Variants in GORASP1 observed in about 807,000 individuals in gnomAD.
The protein encoded by GORASP1 is golgi reassembly stacking protein 1, also known as Golgi reassembly-stacking protein 1.
Under a neutral mutation model 37.7 loss-of-function variants are expected in GORASP1, and 31 were observed. The ratio of observed to expected loss-of-function variants is 0.82; its 90% CI spans 0.62 to 1.11. The LOEUF is 1.11. GORASP1 is among the 50% of genes least tolerant of loss of function. The probability of loss-of-function intolerance (pLI) is 0.00; values close to 1 mark genes in which losing one functional copy is unlikely to be tolerated. For synonymous variants in GORASP1, 204 were observed against 224.8 expected (o/e 0.91, Z 0.83); for missense variants, 476 against 560.7 (o/e 0.85, Z 1.53).
In GORASP1 at chr3:39,098,100, C is replaced by A. The variant is rs2035447241; in HGVS notation, c.*136G>T. 2.9e-6 allele frequency: 3 copies of A among 1,032,124 alleles called. No homozygotes were observed. Among genetic ancestry groups the A allele is most frequent in the African/African-American group, 3.2e-5 (2 of 62,566 alleles). The allele number at this position is 1,032,124 out of a possible 1,614,324, so 63.9% of individuals were successfully genotyped here. A position where few individuals can be genotyped will look rare whatever the true frequency, so the allele number is the denominator to read the frequency against. The stretch of plus-strand genomic sequence containing the variant: ...GATATCCTCCCACAAGGCCCATGGC[C>A]CCCTCTCACCACCCACTGAGGCCTC... On this transcript the variant is annotated 3_prime_UTR_variant, in exon 9 of 9. Transcript: ENST00000319283. The surrounding 1 kb of genome is among the most constrained non-coding windows in gnomAD (Gnocchi z 4.7).
In GORASP1 at chr3:39,098,376, C is replaced by G. The variant is rs2035466819; in HGVS notation, c.1183G>C (p.Ala395Pro). 1 of 1,614,038 alleles carries G rather than the reference C, an allele frequency of 6.2e-7. No homozygotes were observed. Among genetic ancestry groups the G allele is most frequent in the Admixed American group, 1.7e-5 (1 of 60,002 alleles). The change falls in exon 9 of 9, where the codon GCA becomes CCA. Residue 395 changes from alanine (A) to proline (P), a missense_variant. Physicochemically the swap from Ala to Pro is conservative, Grantham distance 27. Transcript: ENST00000319283. The surrounding 1 kb of genome is among the most constrained non-coding windows in gnomAD (Gnocchi z 4.7). ...GACAGCCCATCTTCTGGTGAGGCTG[C>G]AGAGGTGAGACTGTCAGGAAGAGTC... is the stretch of plus-strand genomic sequence containing the variant. ...QLTLPDSLTS[A>P]ASPEDGLSAE...
Position 39,107,546 on chromosome 3 carries a change from G to A in GORASP1, c.-5C>T. The A allele has an allele frequency of 1.3e-6, 2 of 1,494,972 alleles. No individual in the cohort carries two copies. The highest frequency in any genetic ancestry group is 1.8e-6 in the Non-Finnish European group (2 of 1,132,570). 92.6% of individuals were successfully genotyped at this position (1,494,972 alleles called of 1,614,324 possible). Reference sequence around the variant, plus strand: ...AGCGCTGACGCCCAGGCCCATGGCAGCGGCTCCGCTCGGCACCCAGGTCCA... The same window carrying A: ...AGCGCTGACGCCCAGGCCCATGGCAACGGCTCCGCTCGGCACCCAGGTCCA... On this transcript the variant is annotated 5_prime_UTR_variant, in exon 1 of 9. Coordinates refer to ENST00000319283, the MANE Select transcript of GORASP1 (RefSeq NM_031899.4).
At position 39,104,468 on chromosome 3, in the gene GORASP1, C is replaced by T. The variant is rs568106408; in HGVS notation, c.64-915G>A. Among the ~76,000 whole-genome samples, 8 of 152,298 alleles carry T rather than the reference C, an allele frequency of 5.3e-5. No homozygotes were observed. In the East Asian group the frequency reaches 1.3e-3, roughly 26 times the overall value. Reference sequence around the variant, plus strand: ...CAAGGCCCTAGACCCGAAGATGGGCCCACACCCTCAGGTCTTTGGCTGCGG... The same window carrying T: ...CAAGGCCCTAGACCCGAAGATGGGCTCACACCCTCAGGTCTTTGGCTGCGG... On this transcript the variant is annotated intron_variant, in intron 1 of 8. Transcript: ENST00000319283.
intron 1 of GORASP1, chr3:39,107,050 C>T (rs758005461): frequency 4.3e-6 from 2 of 461,066 alleles, no homozygotes; most frequent in African/African-American, 2.0e-5. Context: ...CGGTTAACCC[C>T]GGCCCCCGGG....
chr3:39,106,907 CA>C (rs138817731), intron 1 of GORASP1: 11 of 325,658 alleles, frequency 3.4e-5, no homozygotes, highest in African/African-American at 2.4e-4. Flanking sequence ...GAGGATTCTG[CA>C]GCACTCTCCC....
intron 3 of GORASP1, 90 bp from the exon 4 acceptor site, chr3:39,101,192 T>C: frequency 4.5e-6 from 5 of 1,105,604 alleles, no homozygotes; most frequent in Non-Finnish European, 6.8e-6. Context: ...CTTGAGGTAG[T>C]GAGTGGGACA....
Position 39,107,612 on chromosome 3 carries a change from A to T in GORASP1, c.-71T>A. 1 of 1,389,594 alleles carries T rather than the reference A, an allele frequency of 7.2e-7. No individual in the cohort carries two copies. 86.1% of individuals were successfully genotyped at this position (1,389,594 alleles called of 1,614,324 possible). A position where few individuals can be genotyped will look rare whatever the true frequency, so the allele number is the denominator to read the frequency against. On this transcript the variant is annotated 5_prime_UTR_variant, in exon 1 of 9. Transcript: ENST00000319283. ...CCCGGACCGACCCGACGCCAGTAGC[A>T]CCGACTCGCTCTCTCGGCGCTCGAT...
At chr3:39,101,904 T>C (rs1234028597) in intron 3 of GORASP1, among the ~76,000 whole-genome samples, 1 of 152,242 alleles carries the variant, frequency 6.6e-6, no homozygotes, top group Admixed American at 6.5e-5. Flanking sequence ...TGGGTGTGCA[T>C]GTGTGTCTGT....
rs1386484972 is a variant in GORASP1, at chr3:39,098,151, C to G, written c.*85G>C. The stretch of plus-strand genomic sequence containing the variant: ...ATGTCCCACCAAAGCAGCAAGGAAT[C>G]CTGACCGCATAGTGCAGCCCGGGCT... On this transcript the variant is annotated 3_prime_UTR_variant, in exon 9 of 9. Transcript: ENST00000319283. The surrounding 1 kb of genome is among the most constrained non-coding windows in gnomAD (Gnocchi z 4.7). 3.3e-6 allele frequency: 5 copies of G among 1,495,770 alleles called. No individual in the cohort carries two copies. Among genetic ancestry groups the G allele is most frequent in the Non-Finnish European group, 4.5e-6 (5 of 1,107,536 alleles). The allele number at this position is 1,495,770 out of a possible 1,614,324, so 92.7% of individuals were successfully genotyped here.
In GORASP1 at chr3:39,100,409, C is replaced by G; in HGVS notation, c.661G>C (p.Ala221Pro). ...GGTGGTGGGGCACCAAGTGGTAGAG[C>G]AGAAGGTGGTGGGGTGCCAGGTGGC... The part of the protein sequence containing the change: ...KKPPGTPPPS[A>P]LPLGAPPPDA... Residue 221 changes from alanine to proline, a missense_variant, in exon 6 of 9, where the codon GCT (alanine) becomes CCT (proline). Ala to Pro is a conservative substitution (Grantham distance 27). Transcript: ENST00000319283. The surrounding 1 kb of genome is among the most constrained non-coding windows in gnomAD (Gnocchi z 4.6). 2.5e-6 allele frequency: 4 copies of G among 1,613,702 alleles called. No individual in the cohort carries two copies. The highest frequency in any genetic ancestry group is 3.4e-6 in the Non-Finnish European group (4 of 1,179,790).
intron 3 of GORASP1, chr3:39,101,621 TC>T (rs764131193): frequency 1.4e-4 from 62 of 452,648 alleles, no homozygotes; most frequent in Non-Finnish European, 2.3e-4. Context: ...AAATAAGGAT[TC>T]CCTTCTCCCT....
In GORASP1 at chr3:39,098,452, G is replaced by A. The variant is rs2035472536; in HGVS notation, c.1107C>T (p.Ser369=). The change falls in exon 9 of 9, where the codon TCC becomes TCT. Residue 369 remains serine (S), a synonymous_variant. Transcript: ENST00000319283. The surrounding 1 kb of genome is among the most constrained non-coding windows in gnomAD (Gnocchi z 4.7). The part of the protein sequence containing the change: ...ATWSGSEFEV[S]FLDSPGAQAQ... Reference sequence around the variant, plus strand: ...CTTGGGCACCTGGGCTGTCCAGGAAGGAGACCTCAAACTCTGACCCAGACC... The same window carrying A: ...CTTGGGCACCTGGGCTGTCCAGGAAAGAGACCTCAAACTCTGACCCAGACC... The A allele has an allele frequency of 2.5e-6, 4 of 1,614,144 alleles. No homozygotes were observed. In the East Asian group the frequency reaches 8.9e-5, roughly 36 times the overall value.
Position 39,100,434 on chromosome 3 carries a change from C to T in GORASP1, c.636G>A (p.Lys212=). 1 of 1,611,542 alleles carries T rather than the reference C, an allele frequency of 6.2e-7. No individual in the cohort carries two copies. The highest frequency in any genetic ancestry group is 8.5e-7 in the Non-Finnish European group (1 of 1,178,568). The change falls in exon 6 of 9, where the codon AAG becomes AAA. Residue 212 remains lysine (K), a synonymous_variant. Coordinates refer to ENST00000319283, the MANE Select transcript of GORASP1 (RefSeq NM_031899.4). The surrounding 1 kb of genome is among the most constrained non-coding windows in gnomAD (Gnocchi z 4.6). ...CAGAAGGTGGTGGGGTGCCAGGTGG[C>T]TTCTTGTGGTAGCTGGGGGGCTGAG... ...IPTQPPSYHK[K]PPGTPPPSAL...
chr3:39,099,224 T>G (rs757344805), intron 7 of GORASP1, 129 bp downstream of exon 7: 39 of 1,076,172 alleles, frequency 3.6e-5, no homozygotes, highest in Non-Finnish European at 5.3e-5. Flanking sequence ...TTGGATGATA[T>G]GCAACTATTA....
At position 39,102,626 on chromosome 3, in the gene GORASP1, C is replaced by T; in HGVS notation, c.348+52G>A. 3 of 1,590,030 alleles carry T rather than the reference C, an allele frequency of 1.9e-6. No homozygotes were observed. The highest frequency in any genetic ancestry group is 3.4e-5 in the Admixed American group (2 of 59,434). ...CACCCCGCCCACACCCAGACCTGCC[C>T]CAGTAAACTCATCCTTCCGACACAC... On this transcript the variant is annotated intron_variant, in intron 3 of 8. Transcript: ENST00000319283. This position sits in a 1 kb window ranked among gnomAD's most constrained non-coding sequence, Gnocchi z 5.0.
intron 1 of GORASP1, among the ~76,000 whole-genome samples, chr3:39,104,957 C>A (rs756552438): frequency 6.6e-6 from 1 of 152,184 alleles, no homozygotes; most frequent in Non-Finnish European, 1.5e-5. Flanking sequence ...GACAATGCCC[C>A]TCCCTAATCA....
chr3:39,099,502 G>T lies in GORASP1; in HGVS notation c.767C>A (p.Ala256Asp). The change falls in exon 7 of 9, where the codon GCC becomes GAC. Residue 256 changes from alanine to aspartate, a missense_variant and splice_region_variant. Ala to Asp is a moderately radical substitution (Grantham distance 126, BLOSUM62 -2). Coordinates refer to ENST00000319283, the MANE Select transcript of GORASP1 (RefSeq NM_031899.4). ...GGAGGAGCCAGGTGCCTGCAGCAGG[G>T]CCTAGGAAAGAAGAAGAAATGGGTA... ...TGSRQSDYME[A>D]LLQAPGSSME... is the part of the protein sequence containing the mutation. The T allele has an allele frequency of 6.2e-7, 1 of 1,608,580 alleles. No homozygotes were observed. Among genetic ancestry groups the T allele is most frequent in the Non-Finnish European group, 8.5e-7 (1 of 1,177,784 alleles).
chr3:39,103,292 G>A lies in GORASP1; in HGVS notation c.144+181C>T, dbSNP rs1575462272. The A allele has an allele frequency of 1.7e-6, 1 of 599,526 alleles. No homozygotes were observed. The highest frequency in any genetic ancestry group is 2.8e-5 in the East Asian group (1 of 35,908). The allele number at this position is 599,526 out of a possible 1,614,324, so 37.1% of individuals were successfully genotyped here. On this transcript the variant is annotated intron_variant, in intron 2 of 8. Coordinates refer to ENST00000319283, the MANE Select transcript of GORASP1 (RefSeq NM_031899.4). This position sits in a 1 kb window ranked among gnomAD's most constrained non-coding sequence, Gnocchi z 5.2. Reference sequence around the variant, plus strand: ...TCTGTCCACCCCACAGAGCTCAGAAGCTGAGCACTGGGCAGGGCCCCAGTC... The same window carrying A: ...TCTGTCCACCCCACAGAGCTCAGAAACTGAGCACTGGGCAGGGCCCCAGTC...
At position 39,098,314 on chromosome 3, in the gene GORASP1, T is replaced by C. The variant is rs1328581305; in HGVS notation, c.1245A>G (p.Pro415=). 1.2e-6 allele frequency: 2 copies of C among 1,614,214 alleles called. No individual in the cohort carries two copies. Among genetic ancestry groups the C allele is most frequent in the South Asian group, 1.1e-5 (1 of 91,088 alleles). The change falls in exon 9 of 9, where the codon CCA becomes CCG. Residue 415 remains proline, a synonymous_variant. Coordinates refer to ENST00000319283, the MANE Select transcript of GORASP1 (RefSeq NM_031899.4). The surrounding 1 kb of genome is among the most constrained non-coding windows in gnomAD (Gnocchi z 4.7). ...CAGTATCTAGGCCCTCTGTGCTTGC[T>C]GGTTCCTCCTCAGCCTGAGCTTCAA... ...ELLEAQAEEE[P]ASTEGLDTGT... is the part of the protein sequence containing the mutation.
Sources: allele counts gnomAD v4.1 joint callset (sites outside exome capture counted in the v4.1 genomes callset), GRCh38; gene constraint gnomAD v4.1.1; non-coding constraint Gnocchi (gnomAD v3.1); transcripts MANE v1.5; gene names NCBI Gene and HGNC (gene_info 2026-07-23, HGNC 2026-07-21).